Variants in FRMPD4 observed in about 807,000 individuals in gnomAD.
FRMPD4 encodes the protein FERM and PDZ domain-containing protein 4.
A neutral mutation model predicts 94.1 loss-of-function variants in FRMPD4; 22 were observed. The observed-to-expected ratio is 0.23, with a 90% CI of 0.17 to 0.33. FRMPD4 has a LOEUF of 0.33. Ranked by LOEUF, FRMPD4 falls within the 10% of genes least tolerant of loss-of-function variation. FRMPD4 has a pLI of 1.00. For missense variants in FRMPD4, 1,111 were observed against 1,339.9 expected (o/e 0.83, Z 2.67); for synonymous variants, 631 against 548.6 (o/e 1.15, Z -2.10).
chrX:11,825,607 G>T (rs1016859913), intron 1 of FRMPD4, among the ~76,000 whole-genome samples: 3 of 111,031 alleles, frequency 2.7e-5, no homozygotes, highest in African/African-American at 9.9e-5. Context: ...GATAGTGGTG[G>T]TTACACAAAT....
At chrX:12,245,222 G>T (rs2053938013) in intron 1 of FRMPD4, among the ~76,000 whole-genome samples, 1 of 111,866 alleles carries the variant, frequency 8.9e-6, no homozygotes, top group Non-Finnish European at 1.9e-5. Flanking sequence ...AGAGGTAGTT[G>T]CCTGGTTGAA....
At chrX:12,617,283 A>G (rs1011014711) in intron 4 of FRMPD4, among the ~76,000 whole-genome samples, 8 of 112,393 alleles carry the variant, frequency 7.1e-5, no homozygotes, top group African/African-American at 2.6e-4. Context: ...TGGAAATCAT[A>G]TAAAATTCAG....
At chrX:11,892,884 G>A (rs1317440807) in intron 3 of FRMPD4, among the ~76,000 whole-genome samples, 1 of 112,212 alleles carries the variant, frequency 8.9e-6, no homozygotes, top group Non-Finnish European at 1.9e-5. Flanking sequence ...CACAATCAGT[G>A]AGAGCTTTCT....
intron 3 of FRMPD4, among the ~76,000 whole-genome samples, chrX:11,956,242 C>G (rs938124842): frequency 8.9e-6 from 1 of 111,953 alleles, no homozygotes; most frequent in Non-Finnish European, 1.9e-5. Context: ...CTTCACATAG[C>G]TAGAACTAGG....
intron 1 of FRMPD4, among the ~76,000 whole-genome samples, chrX:12,148,197 C>A (rs1008176032): frequency 5.3e-5 from 6 of 112,194 alleles, no homozygotes; most frequent in African/African-American, 1.9e-4. Context: ...AGGCCAAAAA[C>A]TAGACCTCTT....
intron 3 of FRMPD4, among the ~76,000 whole-genome samples, chrX:12,610,747 CAA>C (rs61220147): frequency 9.6e-5 from 8 of 82,988 alleles, no homozygotes; most frequent in East Asian, 3.8e-4. Context: ...GACCCTGTCT[CAA>C]AAAAAAAAAA....
intron 1 of FRMPD4, among the ~76,000 whole-genome samples, chrX:12,256,824 C>T (rs1365826675): frequency 8.9e-6 from 1 of 112,021 alleles, no homozygotes; most frequent in Non-Finnish European, 1.9e-5. Context: ...TATCTCTACA[C>T]ACTTGTAACT....
chrX:12,411,984 T>C (rs1395246085), intron 1 of FRMPD4, among the ~76,000 whole-genome samples: 2 of 111,977 alleles, frequency 1.8e-5, no homozygotes, highest in Non-Finnish European at 3.8e-5. Flanking sequence ...AGAGAATGTC[T>C]GCTGCGTAAT....
intron 1 of FRMPD4, among the ~76,000 whole-genome samples, chrX:11,847,582 C>G (rs961457954): frequency 2.8e-5 from 3 of 107,723 alleles, no homozygotes; most frequent in Non-Finnish European, 3.8e-5. Context: ...CACATGCACA[C>G]GTATGTTTAT....
chrX:11,968,598 G>A lies in FRMPD4; in HGVS notation c.95+90580G>A, dbSNP rs770758784. ...CCCACACAAAGGGCCTCAATCCCCC[G>A]TATGGCCTGCATTCCATGAAATGGG... On this transcript the variant is annotated intron_variant, in intron 3 of 18. Transcript: ENST00000640291. Among the ~76,000 whole-genome samples the A allele has an allele frequency of 6.3e-5, 7 of 111,133 alleles. No homozygotes were observed. In the South Asian group the frequency reaches 2.4e-3, roughly 38 times the overall value.
chrX:11,967,856 G>C (rs1209031052), intron 3 of FRMPD4, among the ~76,000 whole-genome samples: 17 of 104,189 alleles, frequency 1.6e-4, no homozygotes, highest in African/African-American at 5.9e-4. Flanking sequence ...AGTTTTCTCT[G>C]TGAAGAAGAA....
intron 1 of FRMPD4, among the ~76,000 whole-genome samples, chrX:12,245,260 A>T (rs1228548586): frequency 9.0e-6 from 1 of 111,225 alleles, no homozygotes; most frequent in Non-Finnish European, 1.9e-5. Flanking sequence ...TTTCCTTTTA[A>T]AGCGCTCTTG....
At chrX:12,295,919 C>T (rs60861780) in intron 1 of FRMPD4, among the ~76,000 whole-genome samples, 2,475 of 111,337 alleles carry the variant, frequency 0.022, 65 homozygotes, top group African/African-American at 0.077. Flanking sequence ...AATAGACGCT[C>T]AATAAATATA....
intron 4 of FRMPD4, among the ~76,000 whole-genome samples, chrX:12,663,205 A>AATCAG (rs2059736889): frequency 9.1e-6 from 1 of 110,434 alleles, no homozygotes; most frequent in African/African-American, 3.3e-5. Flanking sequence ...TCTTTAGTTT[A>AATCAG]ATCCCATTTG....
intron 1 of FRMPD4, among the ~76,000 whole-genome samples, chrX:12,373,964 C>T (rs945570628): frequency 8.9e-6 from 1 of 112,022 alleles, no homozygotes; most frequent in African/African-American, 3.2e-5. Flanking sequence ...GCAGAAGTAG[C>T]TTGACCTTAT....
At chrX:12,288,344 A>T (rs1342379220) in intron 1 of FRMPD4, among the ~76,000 whole-genome samples, 1 of 111,833 alleles carries the variant, frequency 8.9e-6, no homozygotes, top group East Asian at 2.8e-4. Flanking sequence ...GAGAAGTGGG[A>T]GTGGCTTAAA....
At chrX:12,446,779 T>G (rs1319929732) in intron 1 of FRMPD4, among the ~76,000 whole-genome samples, 1 of 111,883 alleles carries the variant, frequency 8.9e-6, no homozygotes, top group Non-Finnish European at 1.9e-5. Flanking sequence ...CATTACCCAG[T>G]CTCGGGTATG....
chrX:12,710,408 C>A lies in FRMPD4; in HGVS notation c.1480C>A (p.Leu494Ile). 1 of 1,204,362 alleles carries A rather than the reference C, an allele frequency of 8.3e-7. No homozygotes were observed. Among genetic ancestry groups the A allele is most frequent in the South Asian group, 1.8e-5 (1 of 56,498 alleles). Reference protein sequence around the residue: ...LHVLDVKPITLLMESSDAMNL... With the variant: ...LHVLDVKPITILMESSDAMNL... ...GTTCTCTTTTGTGTAGCCTATCACGCTTCTGATGGAATCCTCAGATGCCAT... is the reference window on the plus strand; with the variant it reads ...GTTCTCTTTTGTGTAGCCTATCACGATTCTGATGGAATCCTCAGATGCCAT... Residue 494 changes from leucine (L) to isoleucine (I), a missense_variant, in exon 14 of 17, where the codon CTT (leucine) becomes ATT (isoleucine). Leu to Ile is a conservative substitution (Grantham distance 5, BLOSUM62 2). This residue lies in a region of FRMPD4 where 111 missense variants were observed against 160.7 expected (regional missense o/e 0.69). Transcript: ENST00000675598.
intron 1 of FRMPD4, among the ~76,000 whole-genome samples, chrX:12,217,781 G>A (rs887072995): frequency 1.1e-4 from 12 of 111,996 alleles, no homozygotes; most frequent in African/African-American, 3.9e-4. Flanking sequence ...TAGCACTACC[G>A]TAAGACTGAG....
Sources: allele counts gnomAD v4.1 joint callset (sites outside exome capture counted in the v4.1 genomes callset), GRCh38; gene constraint gnomAD v4.1.1; regional missense constraint gnomAD v4.1.1; transcripts MANE v1.5; gene names NCBI Gene and HGNC (gene_info 2026-07-23, HGNC 2026-07-21).